Variants in CCDC171 observed in about 807,000 individuals in gnomAD.
CCDC171 encodes coiled-coil domain containing 171, also known as coiled-coil domain-containing protein 171.
In CCDC171, 177 loss-of-function variants were observed where a neutral mutation model predicts 168.2. The ratio of observed to expected loss-of-function variants is 1.05; its 90% CI spans 0.93 to 1.19. CCDC171 has a LOEUF of 1.19. Ranked by LOEUF, CCDC171 falls within the 50% of genes most tolerant of loss-of-function variation. The pLI, the probability that CCDC171 is intolerant of heterozygous loss-of-function variation, is 0.00. For synonymous variants in CCDC171, 687 were observed against 540.8 expected (o/e 1.27, Z -3.75); for missense variants, 1,991 against 1,539.0 (o/e 1.29, Z -4.91).
intron 18 of CCDC171, among the ~76,000 whole-genome samples, chr9:15,761,882 CAA>C (rs34656827): frequency 0.38 from 57,649 of 151,754 alleles, 13,604 homozygotes; most frequent in East Asian, 0.65. Context: ...GTAGAAAAGT[CAA>C]AAGAGTTTTA....
At chr9:15,919,446 G>T (rs984451935) in intron 24 of CCDC171, among the ~76,000 whole-genome samples, 2 of 151,554 alleles carry the variant, frequency 1.3e-5, no homozygotes, top group Non-Finnish European at 3.0e-5. Context: ...TGTGGCTGTT[G>T]TAGGAACATT....
intron 16 of CCDC171, among the ~76,000 whole-genome samples, chr9:15,734,843 G>A (rs1337271441): frequency 3.9e-5 from 6 of 152,144 alleles, no homozygotes; most frequent in Admixed American, 2.0e-4. Flanking sequence ...GAAAAAATCC[G>A]CAGTTGTTAT....
chr9:15,678,646 T>C, intron 9 of CCDC171, 112 bp from the exon 10 acceptor site: 1 of 819,046 alleles, frequency 1.2e-6, no homozygotes, highest in South Asian at 2.5e-5. Flanking sequence ...TTAAAAAGTC[T>C]TTTAGCATGA....
chr9:15,826,326 C>CT (rs34040261), intron 21 of CCDC171, among the ~76,000 whole-genome samples: 69,121 of 150,414 alleles, frequency 0.46, 16,099 homozygotes, highest in African/African-American at 0.53. Flanking sequence ...TTTGTTGATC[C>CT]TTTTTTTTTA....
chr9:15,588,700 C>CTTTTTTTT (rs71323963), intron 4 of CCDC171: 1 of 123,996 alleles, frequency 8.1e-6, no homozygotes, highest in African/African-American at 3.2e-5. Flanking sequence ...AAGATGCAGA[C>CTTTTTTTT]TTTTTTTTTT....
Position 15,885,942 on chromosome 9 carries a change from A to T in CCDC171, c.3600+11279A>T, listed in dbSNP as rs1366085126. 3 of 152,176 alleles carry T rather than the reference A, an allele frequency of 2.0e-5. No homozygotes were observed. In the East Asian group the frequency reaches 5.8e-4, roughly 29 times the overall value. 9.4% of individuals were successfully genotyped at this position (152,176 alleles called of 1,614,324 possible). A position where few individuals can be genotyped will look rare whatever the true frequency, so the allele number is the denominator to read the frequency against. ...AAATACTCAAATATATGTTTTCATT[A>T]TATACATGTATTTGAATTGAAGAAG... On this transcript the variant is annotated intron_variant, in intron 24 of 25. Coordinates refer to ENST00000380701, the MANE Select transcript of CCDC171 (RefSeq NM_173550.4).
chr9:15,588,839 C>T (rs1033997269), intron 4 of CCDC171, among the ~76,000 whole-genome samples: 1 of 151,820 alleles, frequency 6.6e-6, no homozygotes, highest in African/African-American at 2.4e-5. Flanking sequence ...TCCTGAGTAG[C>T]TGGGACTACA....
rs78480311 is a variant in CCDC171, at chr9:15,799,343, T to C, written c.3267+14649T>C. Among the ~76,000 whole-genome samples the C allele has an allele frequency of 3.5e-3, 534 of 151,560 alleles. 13 individuals are homozygous for C. In the East Asian group the frequency reaches 0.048, roughly 14 times the overall value. ...TTAGCACTTTAAATATGTTGTTCCC[T>C]TCTCTTCTGGTTTGCATTATTTCTG... On this transcript the variant is annotated intron_variant, in intron 21 of 25. Coordinates refer to ENST00000380701, the MANE Select transcript of CCDC171 (RefSeq NM_173550.4).
intron 21 of CCDC171, among the ~76,000 whole-genome samples, chr9:15,794,698 G>A (rs1564421581): frequency 6.6e-6 from 1 of 152,168 alleles, no homozygotes; most frequent in Non-Finnish European, 1.5e-5. Context: ...AACAACATGT[G>A]ATACAGATGG....
chr9:15,659,874 G>C (rs1329680238), intron 8 of CCDC171, among the ~76,000 whole-genome samples: 1 of 152,076 alleles, frequency 6.6e-6, no homozygotes, highest in East Asian at 1.9e-4. Flanking sequence ...TCACCACTCC[G>C]TTACTTTATT....
At chr9:15,584,286 C>T (rs146097731) in intron 4 of CCDC171, among the ~76,000 whole-genome samples, 28 of 152,332 alleles carry the variant, frequency 1.8e-4, no homozygotes, top group African/African-American at 6.0e-4. Flanking sequence ...ATCTTTTACT[C>T]ACCCATGCAA....
chr9:15,718,852 G>A (rs192129463), intron 11 of CCDC171, among the ~76,000 whole-genome samples: 61 of 152,198 alleles, frequency 4.0e-4, no homozygotes, highest in African/African-American at 1.4e-3. Flanking sequence ...AAGCCTTCTC[G>A]GGAAGGACAG....
At chr9:15,725,678 G>T (rs898210159) in intron 14 of CCDC171, among the ~76,000 whole-genome samples, 1 of 152,146 alleles carries the variant, frequency 6.6e-6, no homozygotes, top group Admixed American at 6.5e-5. Flanking sequence ...TCGAACTCCT[G>T]ACCTCAGGTG....
intron 8 of CCDC171, among the ~76,000 whole-genome samples, chr9:15,662,971 A>T (rs1279662043): frequency 7.1e-6 from 1 of 140,000 alleles, no homozygotes; most frequent in Non-Finnish European, 1.5e-5. Flanking sequence ...ACAACGCGAG[A>T]CTTCGTCTCA....
chr9:15,834,024 C>G (rs2060340628), intron 21 of CCDC171, among the ~76,000 whole-genome samples: 1 of 152,086 alleles, frequency 6.6e-6, no homozygotes, highest in African/African-American at 2.4e-5. Context: ...AGTATAATTA[C>G]AGATATTCCA....
At chr9:15,963,717 C>G (rs970156968) in intron 25 of CCDC171, among the ~76,000 whole-genome samples, 2 of 152,112 alleles carry the variant, frequency 1.3e-5, no homozygotes, top group African/African-American at 2.4e-5. Context: ...TTATACTACT[C>G]TCTCCCCCAA....
chr9:15,931,274 A>G (rs1404303573), intron 25 of CCDC171, among the ~76,000 whole-genome samples: 1 of 151,462 alleles, frequency 6.6e-6, no homozygotes. Context: ...TTTTGGTAAT[A>G]ATGATTCTAA....
intron 3 of CCDC171, among the ~76,000 whole-genome samples, chr9:16,012,655 T>C (rs1174933381): frequency 2.6e-5 from 4 of 152,138 alleles, no homozygotes; most frequent in African/African-American, 9.7e-5. Context: ...AATACAATTT[T>C]GTATCAGACT....
chr9:15,992,002 A>G (rs1832216491), intron 3 of CCDC171, among the ~76,000 whole-genome samples: 1 of 152,202 alleles, frequency 6.6e-6, no homozygotes, highest in Non-Finnish European at 1.5e-5. Flanking sequence ...CCAGAGGTAC[A>G]AGGAGGAGCT....
Sources: allele counts gnomAD v4.1 joint callset (sites outside exome capture counted in the v4.1 genomes callset), GRCh38; gene constraint gnomAD v4.1.1; transcripts MANE v1.5; gene names NCBI Gene and HGNC (gene_info 2026-07-23, HGNC 2026-07-21).